The following MYO1D variants were observed in gnomAD, a reference collection of about 807,000 sequenced individuals.
MYO1D encodes myosin ID.
In MYO1D, 83 loss-of-function variants were observed where a neutral mutation model predicts 122.0. That is an observed-to-expected ratio of 0.68 (90% CI 0.57 to 0.82). MYO1D has a LOEUF of 0.82. Ranked by LOEUF, MYO1D falls within the 40% of genes least tolerant of loss-of-function variation. The pLI is 0.00. For missense variants in MYO1D, 1,157 were observed against 1,269.5 expected, an observed-to-expected ratio of 0.91 and a Z score of 1.35; for synonymous variants, 464 against 446.9, an observed-to-expected ratio of 1.04 and a Z score of -0.48.
intron 16 of MYO1D, among the ~76,000 whole-genome samples, chr17:32,674,648 T>C (rs2088778677): frequency 6.6e-6 from 1 of 152,212 alleles, no homozygotes; most frequent in Admixed American, 6.5e-5. Context: ...AAGTCATATA[T>C]AATATTTTCT....
intron 21 of MYO1D, among the ~76,000 whole-genome samples, chr17:32,560,575 A>G (rs1356304235): frequency 4.3e-4 from 49 of 114,298 alleles, no homozygotes; most frequent in African/African-American, 1.3e-3. Context: ...ATATATATAT[A>G]TAACTTTTAT....
At chr17:32,700,427 G>A (rs1598020571) in intron 16 of MYO1D, among the ~76,000 whole-genome samples, 1 of 152,158 alleles carries the variant, frequency 6.6e-6, no homozygotes, top group East Asian at 1.9e-4. Context: ...AACAGGCCAC[G>A]GACCAGTACC....
In MYO1D at chr17:32,494,385, C is replaced by T. The variant is rs1435897036; in HGVS notation, c.*374G>A. The T allele has an allele frequency of 2.1e-5, 4 of 193,750 alleles. No individual in the cohort carries two copies. Among genetic ancestry groups the T allele is most frequent in the Admixed American group, 6.0e-5 (1 of 16,540 alleles). 12.0% of individuals were successfully genotyped at this position (193,750 alleles called of 1,614,324 possible). ...GCAGAGTGGGGTCCTGCATCCCCAC[C>T]CCTTCCCTCTGCAGGGTCAGCAGCA... On this transcript the variant is annotated 3_prime_UTR_variant, in exon 22 of 22. Transcript: ENST00000318217.
chr17:32,843,440 A>G (rs2090903981), intron 1 of MYO1D, among the ~76,000 whole-genome samples: 1 of 152,228 alleles, frequency 6.6e-6, no homozygotes, highest in South Asian at 2.1e-4. Context: ...CTGCACAATA[A>G]CCTGCCAAAT....
chr17:32,822,759 GCCCGGGGCGTCCCCGCA>G (rs1285296218), intron 1 of MYO1D, among the ~76,000 whole-genome samples: 1 of 151,422 alleles, frequency 6.6e-6, no homozygotes, highest in Non-Finnish European at 1.5e-5. Context: ...AGGCGGCGAG[GCCCGGGGCGTCCCCGCA>G]CCCGGCCGAC....
intron 16 of MYO1D, among the ~76,000 whole-genome samples, chr17:32,661,249 TA>T (rs920200770): frequency 6.6e-6 from 1 of 152,110 alleles, no homozygotes; most frequent in African/African-American, 2.4e-5. Flanking sequence ...AAAATGCATA[TA>T]AAAAAACACA....
intron 16 of MYO1D, among the ~76,000 whole-genome samples, chr17:32,669,698 G>A (rs377596271): frequency 6.6e-6 from 1 of 152,066 alleles, no homozygotes; most frequent in South Asian, 2.1e-4. Context: ...GGGAAGCAAT[G>A]AAATCAAACA....
chr17:32,644,190 G>C (rs1479055280), intron 19 of MYO1D, among the ~76,000 whole-genome samples: 2 of 152,098 alleles, frequency 1.3e-5, no homozygotes, highest in African/African-American at 4.8e-5. Flanking sequence ...AGTTATTCAG[G>C]AGCAGGTTGT....
chr17:32,662,390 C>T (rs779009765), intron 16 of MYO1D, among the ~76,000 whole-genome samples: 1 of 152,152 alleles, frequency 6.6e-6, no homozygotes, highest in Non-Finnish European at 1.5e-5. Context: ...AAGAGCTGCG[C>T]AGCGGGACGC....
intron 16 of MYO1D, among the ~76,000 whole-genome samples, chr17:32,664,262 TG>T (rs1316890308): frequency 6.6e-6 from 1 of 152,210 alleles, no homozygotes; most frequent in Non-Finnish European, 1.5e-5. Flanking sequence ...GGTTGTTGGT[TG>T]GTTTTCCCAC....
intron 12 of MYO1D, among the ~76,000 whole-genome samples, chr17:32,746,303 T>A (rs1452304192): frequency 6.6e-6 from 1 of 152,212 alleles, no homozygotes; most frequent in Admixed American, 6.5e-5. Flanking sequence ...TCCAGATAGT[T>A]CTACTTCTCT....
chr17:32,687,063 G>A lies in MYO1D; in HGVS notation c.2121+24925C>T, dbSNP rs2089023782. On this transcript the variant is annotated intron_variant, in intron 16 of 21. Coordinates refer to ENST00000318217, the MANE Select transcript of MYO1D (RefSeq NM_015194.3). Reference sequence around the variant, plus strand: ...GGTACTTACAAAGTGTTCAAATTCTGTCAAATGTATTAACTTATTTAATAC... The same window carrying A: ...GGTACTTACAAAGTGTTCAAATTCTATCAAATGTATTAACTTATTTAATAC... 4.6e-5 allele frequency among the ~76,000 whole-genome samples: 7 copies of A among 151,644 alleles called. 1 individual carries two copies. The highest frequency in any genetic ancestry group is 4.6e-4 in the Admixed American group (7 of 15,218).
chr17:32,772,282 T>G (rs2090121574), intron 5 of MYO1D, among the ~76,000 whole-genome samples: 1 of 152,198 alleles, frequency 6.6e-6, no homozygotes, highest in African/African-American at 2.4e-5. Flanking sequence ...TCAAATTTTT[T>G]TCTAAACTTG....
At chr17:32,603,961 A>G (rs1039316934) in intron 21 of MYO1D, among the ~76,000 whole-genome samples, 1 of 152,210 alleles carries the variant, frequency 6.6e-6, no homozygotes, top group Non-Finnish European at 1.5e-5. Context: ...ACCATTAAGT[A>G]TTATTTTACT....
chr17:32,816,415 G>A (rs995135381), intron 1 of MYO1D, among the ~76,000 whole-genome samples: 17 of 152,128 alleles, frequency 1.1e-4, no homozygotes, highest in African/African-American at 3.9e-4. Context: ...CCTAGACCAA[G>A]GGAAAGGTTG....
At chr17:32,683,476 C>T (rs540137421) in intron 16 of MYO1D, among the ~76,000 whole-genome samples, 1 of 152,098 alleles carries the variant, frequency 6.6e-6, no homozygotes, top group African/African-American at 2.4e-5. Context: ...ACAGACAGGA[C>T]CCTCAGCTGC....
intron 14 of MYO1D, among the ~76,000 whole-genome samples, chr17:32,736,501 A>AG (rs2089702863): frequency 2.0e-5 from 3 of 151,934 alleles, no homozygotes; most frequent in African/African-American, 7.3e-5. Context: ...GTCTCTAATA[A>AG]CTTTGGAGCT....
At chr17:32,556,327 C>T (rs775410613) in intron 21 of MYO1D, among the ~76,000 whole-genome samples, 1 of 152,306 alleles carries the variant, frequency 6.6e-6, no homozygotes, top group East Asian at 1.9e-4. Flanking sequence ...CTGACACAGA[C>T]TGGATAGAGC....
chr17:32,730,060 C>G (rs1376047244), intron 14 of MYO1D, among the ~76,000 whole-genome samples: 1 of 148,918 alleles, frequency 6.7e-6, no homozygotes, highest in African/African-American at 2.5e-5. Flanking sequence ...TTCCCATGTT[C>G]TTTTGTTTCT....
Sources: allele counts gnomAD v4.1 joint callset (sites outside exome capture counted in the v4.1 genomes callset), GRCh38; gene constraint gnomAD v4.1.1; transcripts MANE v1.5; gene names NCBI Gene and HGNC (gene_info 2026-07-23, HGNC 2026-07-21).